The following ZNF624 variants were observed in gnomAD, a reference collection of about 807,000 sequenced individuals.
The protein encoded by ZNF624 is zinc finger protein 624.
In ZNF624, 43 loss-of-function variants were observed where a neutral mutation model predicts 74.7. The ratio of observed to expected loss-of-function variants is 0.58; its 90% CI spans 0.45 to 0.74. ZNF624 has a LOEUF of 0.74. ZNF624 is among the 30% of genes least tolerant of loss of function. The pLI is 0.00. For missense variants in ZNF624, 820 were observed against 1,030.0 expected (o/e 0.80, Z 2.79); for synonymous variants, 331 against 341.3 (o/e 0.97, Z 0.33).
chr17:16,627,387 T>C (rs1451213452), intron 5 of ZNF624, among the ~76,000 whole-genome samples: 1 of 152,078 alleles, frequency 6.6e-6, no homozygotes, highest in Non-Finnish European at 1.5e-5. Flanking sequence ...ATTTGAGAGG[T>C]CTGCACTTTG....
At chr17:16,640,199 G>A (rs969695798) in intron 3 of ZNF624, among the ~76,000 whole-genome samples, 50 of 152,056 alleles carry the variant, frequency 3.3e-4, no homozygotes, top group African/African-American at 1.2e-3. Context: ...CATAAGACAA[G>A]AAGTAAAAAT....
chr17:16,631,177 T>C (rs1367714908), intron 5 of ZNF624, among the ~76,000 whole-genome samples: 1 of 152,144 alleles, frequency 6.6e-6, no homozygotes, highest in Admixed American at 6.5e-5. Context: ...GGATAAAAGA[T>C]ATCACAATAG....
intron 4 of ZNF624, 146 bp downstream of exon 4, chr17:16,634,484 C>T: frequency 3.9e-6 from 3 of 768,720 alleles, no homozygotes; most frequent in Non-Finnish European, 6.1e-6. Flanking sequence ...ATGGGCAGAT[C>T]ATGTAGTTAA....
At chr17:16,620,199 G>A (rs1322380839), downstream of ZNF624, among the ~76,000 whole-genome samples, 3 of 152,064 alleles carry the variant, frequency 2.0e-5, no homozygotes, top group Admixed American at 6.6e-5. Flanking sequence ...TCAGGTCTTT[G>A]GTCTGTTAGG....
At chr17:16,617,954 G>A (rs1908826614), downstream of ZNF624, 1 of 942,424 alleles carries the variant, frequency 1.1e-6, no homozygotes, top group South Asian at 1.4e-5. Context: ...CGGTGCGGGT[G>A]CGGGGACGGC....
rs1395326921 is a variant in ZNF624, at chr17:16,623,625, AATC to A, written c.1258_1260del (p.Asp420del). 1.2e-6 allele frequency: 2 copies of A among 1,611,068 alleles called. No homozygotes were observed. Among genetic ancestry groups the A allele is most frequent in the South Asian group, 2.2e-5 (2 of 90,448 alleles). The stretch of plus-strand genomic sequence containing the variant: ...GACTTGTTCCTAAAGGCTTTCCCAC[AATC>A]ATCACATTTGTAGGGTTTCTCACCA... On this transcript the variant is annotated inframe_deletion, in exon 6 of 6. Coordinates refer to ENST00000311331, the MANE Select transcript of ZNF624 (RefSeq NM_020787.4). The surrounding 1 kb of genome is among the most constrained non-coding windows in gnomAD (Gnocchi z 5.3).
rs995394597 is a variant in ZNF624, at chr17:16,653,806, G to A, written c.-45C>T. ...GACAACTGAGGGAACTCGCAGAGCA[G>A]GGCGGGAACGCTTCCAGCAATGGCG... On this transcript the variant is annotated 5_prime_UTR_variant, in exon 1 of 6. Coordinates refer to ENST00000311331, the MANE Select transcript of ZNF624 (RefSeq NM_020787.4). 2 of 152,782 alleles carry A rather than the reference G, an allele frequency of 1.3e-5. No homozygotes were observed. The highest frequency in any genetic ancestry group is 6.5e-5 in the Admixed American group (1 of 15,290). The allele number at this position is 152,782 out of a possible 1,614,324, so 9.5% of individuals were successfully genotyped here. A position where few individuals can be genotyped will look rare whatever the true frequency, so the allele number is the denominator to read the frequency against.
intron 5 of ZNF624, among the ~76,000 whole-genome samples, chr17:16,633,206 CA>C (rs941292298): frequency 6.6e-6 from 1 of 152,166 alleles, no homozygotes; most frequent in African/African-American, 2.4e-5. Flanking sequence ...ATCTATTTCT[CA>C]AAATTTAATC....
chr17:16,623,757 G>C lies in ZNF624; in HGVS notation c.1129C>G (p.Gln377Glu). The C allele has an allele frequency of 6.2e-7, 1 of 1,614,002 alleles. No individual in the cohort carries two copies. Among genetic ancestry groups the C allele is most frequent in the Non-Finnish European group, 8.5e-7 (1 of 1,180,002 alleles). The change falls in exon 6 of 6, where the codon CAG becomes GAG. Residue 377 changes from glutamine to glutamate, a missense_variant. Transcript: ENST00000311331. The surrounding 1 kb of genome is among the most constrained non-coding windows in gnomAD (Gnocchi z 5.3). ...TCTCCAGTTTGAATTCTCTGGTGCT[G>C]ATTAAGACGGGCACACTGGCTAAAA... The part of the protein sequence containing the change: ...KSFSQCARLN[Q>E]HQRIQTGEKP...
At chr17:16,641,908 G>A (rs1909475686) in intron 3 of ZNF624, among the ~76,000 whole-genome samples, 1 of 152,048 alleles carries the variant, frequency 6.6e-6, no homozygotes, top group South Asian at 2.1e-4. Flanking sequence ...ATTTATAATA[G>A]CAAAAATAAG....
chr17:16,647,614 T>C (rs1281074243), intron 2 of ZNF624, among the ~76,000 whole-genome samples: 1 of 152,180 alleles, frequency 6.6e-6, no homozygotes, highest in East Asian at 1.9e-4. Flanking sequence ...GAAAAAGATA[T>C]AACTGCTTTT....
Position 16,624,240 on chromosome 17 carries a change from C to T in ZNF624, c.646G>A (p.Ala216Thr). 3 of 1,614,180 alleles carry T rather than the reference C, an allele frequency of 1.9e-6. No homozygotes were observed. Among genetic ancestry groups the T allele is most frequent in the Non-Finnish European group, 2.5e-6 (3 of 1,180,028 alleles). The change falls in exon 6 of 6, where the codon GCC becomes ACC. Residue 216 changes from alanine (A) to threonine (T), a missense_variant. Transcript: ENST00000311331. The stretch of plus-strand genomic sequence containing the variant: ...CATCTGCTGTGAAGCTCTTCTGTGG[C>T]AATGCCTGGTTCTGGAATAAGAATA... ...ESILIPEPGI[A>T]TEELHSRCQT...
Position 16,623,029 on chromosome 17 carries a change from C to T in ZNF624, c.1857G>A (p.Arg619=). The T allele has an allele frequency of 6.2e-7, 1 of 1,613,650 alleles. No homozygotes were observed. Among genetic ancestry groups the T allele is most frequent in the Non-Finnish European group, 8.5e-7 (1 of 1,179,844 alleles). The change falls in exon 6 of 6, where the codon AGG becomes AGA. Residue 619 remains arginine (R), a synonymous_variant. Coordinates refer to ENST00000311331, the MANE Select transcript of ZNF624 (RefSeq NM_020787.4). The surrounding 1 kb of genome is among the most constrained non-coding windows in gnomAD (Gnocchi z 5.3). The part of the protein sequence containing the change: ...EKPYKCTDCE[R]AFTKMVNLKE... ...TGAGATTTACCATTTTGGTGAATGC[C>T]CTCTCGCAGTCAGTACATTTATATG...
In ZNF624 at chr17:16,651,199, G is replaced by A. The variant is rs1024800443; in HGVS notation, c.-2-1453C>T. On this transcript the variant is annotated intron_variant, in intron 1 of 5. Coordinates refer to ENST00000311331, the MANE Select transcript of ZNF624 (RefSeq NM_020787.4). ...CCCAGCACTTTGGGAGGCCGAGGCG[G>A]GCAGAGCACCTGAGGTCAGGAGTTT... is the stretch of plus-strand genomic sequence containing the variant. Among the ~76,000 whole-genome samples, 91 of 152,012 alleles carry A rather than the reference G, an allele frequency of 6.0e-4. 1 individual carries two copies. Among genetic ancestry groups the A allele is most frequent in the Admixed American group, 5.7e-3 (87 of 15,248 alleles).
downstream of ZNF624, among the ~76,000 whole-genome samples, chr17:16,619,694 T>A (rs1345818778): frequency 6.6e-6 from 1 of 152,254 alleles, no homozygotes; most frequent in Non-Finnish European, 1.5e-5. Context: ...ACTGCTCTAG[T>A]CAGGTTGGTG....
At chr17:16,626,096 T>C (rs1005558548) in intron 5 of ZNF624, among the ~76,000 whole-genome samples, 9 of 152,152 alleles carry the variant, frequency 5.9e-5, no homozygotes, top group Non-Finnish European at 1.0e-4. Context: ...ATTACAGGCA[T>C]GCGCCACCAC....
At chr17:16,631,955 G>T (rs1168408392) in intron 5 of ZNF624, among the ~76,000 whole-genome samples, 1 of 152,092 alleles carries the variant, frequency 6.6e-6, no homozygotes, top group Admixed American at 6.5e-5. Context: ...AAGGAAATAT[G>T]AACAGTCCTA....
At chr17:16,629,854 G>A (rs757945096) in intron 5 of ZNF624, among the ~76,000 whole-genome samples, 2 of 152,144 alleles carry the variant, frequency 1.3e-5, no homozygotes, top group Admixed American at 6.5e-5. Flanking sequence ...GAGTCACCAC[G>A]CCTGGCCAAT....
intron 3 of ZNF624, among the ~76,000 whole-genome samples, chr17:16,635,369 C>G (rs538108207): frequency 6.6e-6 from 1 of 152,018 alleles, no homozygotes; most frequent in East Asian, 1.9e-4. Flanking sequence ...TGTTACCTAT[C>G]GGAGAAAAGA....
Sources: allele counts gnomAD v4.1 joint callset (sites outside exome capture counted in the v4.1 genomes callset), GRCh38; gene constraint gnomAD v4.1.1; non-coding constraint Gnocchi (gnomAD v3.1); transcripts MANE v1.5; gene names NCBI Gene and HGNC (gene_info 2026-07-23, HGNC 2026-07-21).